The following MDGA2 variants were observed in gnomAD, a reference collection of about 807,000 sequenced individuals.
The protein encoded by MDGA2 is MAM domain-containing glycosylphosphatidylinositol anchor protein 2.
In MDGA2, 40 loss-of-function variants were observed where a neutral mutation model predicts 117.8. That is an observed-to-expected ratio of 0.34 (90% confidence interval 0.26 to 0.44). MDGA2 has a LOEUF of 0.44. MDGA2 is among the 20% of genes least tolerant of loss of function. The probability of loss-of-function intolerance (pLI) is 1.00; values close to 1 mark genes in which losing one functional copy is unlikely to be tolerated. For synonymous variants in MDGA2, 452 were observed against 439.0 expected (o/e 1.03, Z -0.37); for missense variants, 1,123 against 1,250.6 (o/e 0.90, Z 1.54).
At chr14:47,644,948 T>C (rs1897497402) in intron 1 of MDGA2, among the ~76,000 whole-genome samples, 1 of 152,096 alleles carries the variant, frequency 6.6e-6, no homozygotes, top group Non-Finnish European at 1.5e-5. Context: ...CATGTTGGTT[T>C]TGGAAAAGAA....
chr14:47,588,115 A>G (rs1274769043), intron 1 of MDGA2, among the ~76,000 whole-genome samples: 2 of 151,274 alleles, frequency 1.3e-5, no homozygotes, highest in Middle Eastern at 3.2e-3. Context: ...TTATTTATCT[A>G]CTTATAGGTG....
chr14:46,924,400 C>T (rs1278479167), intron 9 of MDGA2, among the ~76,000 whole-genome samples: 2 of 151,896 alleles, frequency 1.3e-5, no homozygotes, highest in Admixed American at 6.6e-5. Flanking sequence ...AAAGTCAATA[C>T]AGATTTTGAA....
chr14:47,569,230 C>G (rs998340029), intron 1 of MDGA2, among the ~76,000 whole-genome samples: 1 of 152,122 alleles, frequency 6.6e-6, no homozygotes, highest in Non-Finnish European at 1.5e-5. Flanking sequence ...CACATTAATA[C>G]TGGATTATGA....
At chr14:47,571,907 T>TA (rs1234090253) in intron 1 of MDGA2, among the ~76,000 whole-genome samples, 2 of 152,070 alleles carry the variant, frequency 1.3e-5, no homozygotes, top group African/African-American at 2.4e-5. Flanking sequence ...AAAGTATAAT[T>TA]AAAAAAATAC....
At chr14:47,521,938 CT>C (rs935778530) in intron 1 of MDGA2, among the ~76,000 whole-genome samples, 10 of 152,106 alleles carry the variant, frequency 6.6e-5, no homozygotes, top group Admixed American at 5.9e-4. Context: ...TCCCAAAGTG[CT>C]GGGATTACAA....
chr14:47,473,332 A>G (rs1265376294), intron 1 of MDGA2, among the ~76,000 whole-genome samples: 1 of 152,146 alleles, frequency 6.6e-6, no homozygotes, highest in African/African-American at 2.4e-5. Flanking sequence ...CATGGATGTA[A>G]CAACTCTCAC....
At chr14:46,961,661 G>A (rs919287541) in intron 8 of MDGA2, among the ~76,000 whole-genome samples, 2 of 105,362 alleles carry the variant, frequency 1.9e-5, no homozygotes, top group African/African-American at 7.7e-5. Flanking sequence ...TTTTTTTTTT[G>A]AGATGGAGTC....
chr14:47,480,536 AT>A (rs896779384), intron 1 of MDGA2, among the ~76,000 whole-genome samples: 8 of 152,100 alleles, frequency 5.3e-5, no homozygotes, highest in African/African-American at 1.4e-4. Flanking sequence ...ATAATTCCAT[AT>A]TTTTTCCTAT....
intron 1 of MDGA2, among the ~76,000 whole-genome samples, chr14:47,351,806 G>A (rs952001652): frequency 6.6e-6 from 1 of 151,828 alleles, no homozygotes; most frequent in Non-Finnish European, 1.5e-5. Flanking sequence ...TCAAATACTT[G>A]AAGTTACAAA....
chr14:47,036,231 C>A (rs937363310), intron 7 of MDGA2, among the ~76,000 whole-genome samples: 1 of 134,564 alleles, frequency 7.4e-6, no homozygotes, highest in Non-Finnish European at 1.5e-5. Flanking sequence ...GATTGCACCA[C>A]TGCACTCCAG....
intron 1 of MDGA2, among the ~76,000 whole-genome samples, chr14:47,457,833 A>G (rs889625578): frequency 8.7e-5 from 10 of 114,846 alleles, no homozygotes; most frequent in South Asian, 2.8e-4. Flanking sequence ...TTGTTTGTTT[A>G]TTTGTTTGTT....
intron 1 of MDGA2, among the ~76,000 whole-genome samples, chr14:47,457,792 CCA>C (rs1174380473): frequency 1.4e-5 from 2 of 146,874 alleles, no homozygotes; most frequent in Admixed American, 1.4e-4. Flanking sequence ...CCTTCTCAGG[CCA>C]CAGAGTCATT....
intron 8 of MDGA2, among the ~76,000 whole-genome samples, chr14:46,971,980 C>T (rs1886285109): frequency 6.6e-6 from 1 of 152,054 alleles, no homozygotes; most frequent in African/African-American, 2.4e-5. Flanking sequence ...GTATAATAAA[C>T]CTGTAAATGT....
chr14:47,062,916 C>T (rs966718423), intron 6 of MDGA2, among the ~76,000 whole-genome samples: 3 of 151,964 alleles, frequency 2.0e-5, no homozygotes, highest in Non-Finnish European at 4.4e-5. Context: ...GGAAGATATA[C>T]ATAGATATCA....
chr14:47,082,622 A>G (rs1332347395), intron 6 of MDGA2, among the ~76,000 whole-genome samples: 1 of 152,116 alleles, frequency 6.6e-6, no homozygotes, highest in Non-Finnish European at 1.5e-5. Flanking sequence ...GAAAAGAAAA[A>G]TATTTCTGAA....
At chr14:47,037,722 T>A (rs1176457138) in intron 7 of MDGA2, among the ~76,000 whole-genome samples, 1 of 152,222 alleles carries the variant, frequency 6.6e-6, no homozygotes, top group Non-Finnish European at 1.5e-5. Flanking sequence ...TATCTGAATA[T>A]GTTTCACATG....
At chr14:47,532,241 G>C (rs1037742828) in intron 1 of MDGA2, among the ~76,000 whole-genome samples, 4 of 152,158 alleles carry the variant, frequency 2.6e-5, no homozygotes, top group African/African-American at 9.7e-5. Flanking sequence ...GCAGTCATTA[G>C]CATTAAAGAA....
At chr14:47,456,702 T>G (rs142266140) in intron 1 of MDGA2, among the ~76,000 whole-genome samples, 1 of 152,230 alleles carries the variant, frequency 6.6e-6, no homozygotes, top group Non-Finnish European at 1.5e-5. Flanking sequence ...TTGTGAGAGA[T>G]AAATAAATGC....
intron 14 of MDGA2, among the ~76,000 whole-genome samples, chr14:46,866,415 G>A (rs1019975530): frequency 5.9e-5 from 9 of 152,182 alleles, no homozygotes; most frequent in South Asian, 2.1e-4. Flanking sequence ...AGACTTAAAC[G>A]TTAGACCTAA....
Sources: gnomAD v4.1 joint callset for allele counts (sites outside exome capture counted in the v4.1 genomes callset) on GRCh38, gnomAD v4.1.1 for gene constraint, MANE v1.5 for transcripts, NCBI Gene and HGNC (gene_info 2026-07-23, HGNC 2026-07-21) for gene names.